PRKDC: variants seen among roughly 807,000 people sequenced by gnomAD.
PRKDC encodes protein kinase, DNA-activated, catalytic subunit.
Under a neutral mutation model 486.9 loss-of-function variants are expected in PRKDC, and 82 were observed. The observed-to-expected ratio is 0.17, with a 90% CI of 0.14 to 0.20. The LOEUF is 0.20. Ranked by LOEUF, PRKDC falls within the 10% of genes least tolerant of loss-of-function variation. The pLI, the probability that PRKDC is intolerant of heterozygous loss-of-function variation, is 1.00. For missense variants in PRKDC, 4,504 were observed against 5,038.2 expected, an observed-to-expected ratio of 0.89 and a Z score of 3.21; for synonymous variants, 1,895 against 1,837.0, an observed-to-expected ratio of 1.03 and a Z score of -0.81.
Position 47,782,421 on chromosome 8 carries a change from C to T in PRKDC, c.11353G>A (p.Ala3785Thr), listed in dbSNP as rs759215389. ...LAQDSACSQR[A>T]LQLRTYSVVP... ...ACGCTATAGGTCCTCAGCTGCAGGGCCCTCTGGCTGCAGGCGGAGTCTTGG... is the reference window on the plus strand; with the variant it reads ...ACGCTATAGGTCCTCAGCTGCAGGGTCCTCTGGCTGCAGGCGGAGTCTTGG... The change falls in exon 79 of 86, where the codon GCC (alanine) becomes ACC (threonine). Residue 3785 changes from alanine (A) to threonine (T), a missense_variant. Transcript: ENST00000314191. This position sits in a 1 kb window ranked among gnomAD's most constrained non-coding sequence, Gnocchi z 4.9. The T allele has an allele frequency of 1.0e-5, 16 of 1,602,142 alleles. No individual in the cohort carries two copies. The East Asian group carries it at 3.1e-4, about 32-fold the overall frequency.
intron 58 of PRKDC, among the ~76,000 whole-genome samples, chr8:47,835,587 G>A (rs888803097): frequency 8.8e-6 from 1 of 113,636 alleles, no homozygotes; most frequent in Non-Finnish European, 1.6e-5. Flanking sequence ...ACTCACTCCA[G>A]CTCCAGCCTG....
chr8:47,922,527 A>G (rs970501150), intron 21 of PRKDC, among the ~76,000 whole-genome samples: 1 of 151,550 alleles, frequency 6.6e-6, no homozygotes, highest in South Asian at 2.1e-4. Context: ...ACTGGTCTCG[A>G]ACTCCTGGCC....
Position 47,830,588 on chromosome 8 carries a change from C to T in PRKDC, c.8397+17G>A, listed in dbSNP as rs764386381. On this transcript the variant is annotated intron_variant, in intron 61 of 85. Transcript: ENST00000314191. ...GATTTTAACCTGTCAACAGAAAACGCAGCGGCAAAAACTGACCTGGGCCAC... is the reference window on the plus strand; with the variant it reads ...GATTTTAACCTGTCAACAGAAAACGTAGCGGCAAAAACTGACCTGGGCCAC... The T allele has an allele frequency of 9.9e-6, 16 of 1,609,288 alleles. No homozygotes were observed. The Admixed American group carries it at 2.5e-4, about 25-fold the overall frequency.
At chr8:47,849,645 G>C in intron 52 of PRKDC, 142 bp from the exon 53 acceptor site, 1 of 958,462 alleles carries the variant, frequency 1.0e-6, no homozygotes. Flanking sequence ...TGGGACAGTA[G>C]GTGCTGGGGA....
In PRKDC at chr8:47,900,353, A is replaced by G; in HGVS notation, c.3364+20T>C. ...CTCTTCAGACCTGTAACGCACACAG[A>G]ACACTGAAGCAAAACGTACCTAAGG... On this transcript the variant is annotated intron_variant, in intron 28 of 85. Transcript: ENST00000314191. The G allele has an allele frequency of 6.3e-7, 1 of 1,583,616 alleles. No individual in the cohort carries two copies. Among genetic ancestry groups the G allele is most frequent in the Non-Finnish European group, 8.6e-7 (1 of 1,163,422 alleles).
At chr8:47,913,809 G>T in intron 24 of PRKDC, 92 bp downstream of exon 24, 1 of 1,222,012 alleles carries the variant, frequency 8.2e-7, no homozygotes. Context: ...ACTAATATTG[G>T]AATGGCTGAA....
intron 40 of PRKDC, among the ~76,000 whole-genome samples, chr8:47,865,834 G>A (rs2088795701): frequency 6.6e-6 from 1 of 152,170 alleles, no homozygotes; most frequent in South Asian, 2.1e-4. Context: ...AGGTAAGGCT[G>A]TTGGGAGGTG....
intron 21 of PRKDC, among the ~76,000 whole-genome samples, chr8:47,923,137 C>G (rs1032048791): frequency 1.3e-5 from 2 of 151,380 alleles, no homozygotes; most frequent in Non-Finnish European, 2.9e-5. Flanking sequence ...GATCTCGGCT[C>G]ACTGCAACCT....
intron 61 of PRKDC, among the ~76,000 whole-genome samples, chr8:47,828,603 C>A (rs777791749): frequency 6.6e-6 from 1 of 152,168 alleles, no homozygotes; most frequent in Non-Finnish European, 1.5e-5. Flanking sequence ...TTAATCAATA[C>A]ATAATGACAT....
Position 47,913,153 on chromosome 8 carries a change from T to C in PRKDC, c.2782-591A>G, listed in dbSNP as rs766710646. Among the ~76,000 whole-genome samples the C allele has an allele frequency of 1.9e-4, 29 of 152,334 alleles. 1 individual carries two copies. Among genetic ancestry groups the C allele is most frequent in the Non-Finnish European group, 1.3e-4 (9 of 68,032 alleles). The stretch of plus-strand genomic sequence containing the variant: ...GTATAGTGTAAACATAACTTTTACA[T>C]GTACTGAAAAACCAAAAAACTAGTG... On this transcript the variant is annotated intron_variant, in intron 24 of 85. Coordinates refer to ENST00000314191, the MANE Select transcript of PRKDC (RefSeq NM_006904.7).
intron 7 of PRKDC, among the ~76,000 whole-genome samples, chr8:47,950,128 T>C (rs1325361820): frequency 6.6e-6 from 1 of 151,786 alleles, no homozygotes; most frequent in Non-Finnish European, 1.5e-5. Context: ...AAAAATCCGC[T>C]GAGCATGGTG....
chr8:47,780,411 A>T lies in PRKDC; in HGVS notation c.11490-1318T>A, dbSNP rs1475914438. Among the ~76,000 whole-genome samples, 6 of 152,362 alleles carry T rather than the reference A, an allele frequency of 3.9e-5. No homozygotes were observed. In the East Asian group the frequency reaches 1.2e-3, roughly 29 times the overall value. ...CAGTGTTTCCTAGGAAAAAGGCAGT[A>T]CCTGGGCAATGGGAAACAATGTGAT... On this transcript the variant is annotated intron_variant, in intron 80 of 85. Coordinates refer to ENST00000314191, the MANE Select transcript of PRKDC (RefSeq NM_006904.7).
At chr8:47,879,403 G>T in intron 39 of PRKDC, 88 bp downstream of exon 39, 2 of 1,226,934 alleles carry the variant, frequency 1.6e-6, no homozygotes, top group Non-Finnish European at 2.2e-6. Context: ...TCTGATTGTG[G>T]ATATTTTACT....
intron 5 of PRKDC, 146 bp from the exon 6 acceptor site, chr8:47,954,065 G>C (rs2090665976): frequency 5.7e-6 from 3 of 522,060 alleles, no homozygotes; most frequent in South Asian, 3.7e-5. Flanking sequence ...TTTTAGGACT[G>C]CATTCTTTCC....
chr8:47,893,059 G>A, intron 31 of PRKDC, 80 bp downstream of exon 31: 1 of 1,439,376 alleles, frequency 6.9e-7, no homozygotes, highest in Non-Finnish European at 9.2e-7. Context: ...CATGTCGCTG[G>A]GATTCTGACC....
At chr8:47,825,993 G>T (rs774853739) in intron 63 of PRKDC, among the ~76,000 whole-genome samples, 1 of 152,148 alleles carries the variant, frequency 6.6e-6, no homozygotes, top group Non-Finnish European at 1.5e-5. Flanking sequence ...GCTCAATCAG[G>T]ACAGACATGA....
intron 73 of PRKDC, among the ~76,000 whole-genome samples, chr8:47,794,822 A>G (rs959446420): frequency 6.6e-6 from 1 of 152,228 alleles, no homozygotes; most frequent in Non-Finnish European, 1.5e-5. Context: ...TTACTGCTCT[A>G]TAATGAATAT....
rs1386837522 is a variant in PRKDC at position 47,893,267 on chromosome 8, G to A, written c.3719C>T (p.Thr1240Ile). 4 of 1,612,148 alleles carry A rather than the reference G, an allele frequency of 2.5e-6. No individual in the cohort carries two copies. Among genetic ancestry groups the A allele is most frequent in the Middle Eastern group, 1.7e-4 (1 of 6,058 alleles). The change falls in exon 31 of 86, where the codon ACC (threonine) becomes ATC (isoleucine). Residue 1240 changes from threonine (T) to isoleucine (I), a missense_variant. Around this residue, in one of 6 missense-constraint regions of PRKDC, gnomAD observed 1,969 missense variants for 2,068.9 expected, o/e 0.95. Coordinates refer to ENST00000314191, the MANE Select transcript of PRKDC (RefSeq NM_006904.7). ...GAATGGCCCCCGAAGGTACAAGAGG[G>A]TGGGCTGGGCCAGGATGCCCGAGGG... is the stretch of plus-strand genomic sequence containing the variant. ...GQPSGILAQP[T>I]LLYLRGPFSL... is the part of the protein sequence containing the mutation.
rs376630854 is a variant in PRKDC, at chr8:47,932,069, TTTTGTTTG to T, written c.1776+943_1776+950del. Among the ~76,000 whole-genome samples the T allele has an allele frequency of 5.5e-3, 825 of 149,844 alleles. 1 individual carries two copies. Among genetic ancestry groups the T allele is most frequent in the African/African-American group, 0.012 (496 of 40,692 alleles). On this transcript the variant is annotated intron_variant, in intron 16 of 85. Transcript: ENST00000314191. Reference sequence around the variant, plus strand: ...CCACGCCCGGCTCATTTTTTTTGTATTTTGTTTGTTTGTTTGTTTGTTTGTTTGTTTTG... The same window carrying T: ...CCACGCCCGGCTCATTTTTTTTGTATTTTGTTTGTTTGTTTGTTTGTTTTG...
Sources: gnomAD v4.1 joint callset for allele counts (sites outside exome capture counted in the v4.1 genomes callset) on GRCh38, gnomAD v4.1.1 for gene constraint, gnomAD v4.1.1 regional missense constraint, Gnocchi (gnomAD v3.1) non-coding constraint, MANE v1.5 for transcripts, NCBI Gene and HGNC (gene_info 2026-07-23, HGNC 2026-07-21) for gene names.